KSR2: variants seen among roughly 807,000 people sequenced by gnomAD.
KSR2 encodes the protein kinase suppressor of ras 2.
Under a neutral mutation model 107.8 loss-of-function variants are expected in KSR2, and 25 were observed. That is an observed-to-expected ratio of 0.23 (90% CI 0.17 to 0.32). The LOEUF is 0.32. KSR2 is among the 10% of genes least tolerant of loss of function. KSR2 has a pLI of 1.00. For missense variants in KSR2, 887 were observed against 1,268.9 expected (o/e 0.70, Z 4.57); for synonymous variants, 480 against 507.0 (o/e 0.95, Z 0.71).
intron 5 of KSR2, among the ~76,000 whole-genome samples, chr12:117,630,049 G>A (rs1304665421): frequency 6.6e-6 from 1 of 152,202 alleles, no homozygotes; most frequent in African/African-American, 2.4e-5. Context: ...CTCATGGACA[G>A]GCCAACAGGA....
chr12:117,758,893 C>T (rs1200225634), intron 4 of KSR2, among the ~76,000 whole-genome samples: 2 of 152,086 alleles, frequency 1.3e-5, no homozygotes, highest in African/African-American at 4.8e-5. Context: ...AGCAACCAAA[C>T]CCCAAATGCC....
intron 3 of KSR2, among the ~76,000 whole-genome samples, chr12:117,775,700 G>C (rs1889662647): frequency 6.6e-6 from 1 of 152,188 alleles, no homozygotes; most frequent in East Asian, 1.9e-4. Flanking sequence ...CTGAGACAGA[G>C]AGAGGAGTAG....
intron 3 of KSR2, among the ~76,000 whole-genome samples, chr12:117,807,848 T>C (rs533525534): frequency 1.4e-4 from 22 of 152,318 alleles, no homozygotes; most frequent in African/African-American, 4.8e-4. Flanking sequence ...TAACAACACC[T>C]GAAATCCGCT....
chr12:117,729,652 T>C (rs1186174006), intron 4 of KSR2, among the ~76,000 whole-genome samples: 1 of 152,150 alleles, frequency 6.6e-6, no homozygotes, highest in Admixed American at 6.5e-5. Flanking sequence ...CTGGGAAGGC[T>C]GCAAAAACCA....
chr12:117,797,396 T>C (rs1166287036), intron 3 of KSR2, among the ~76,000 whole-genome samples: 1 of 152,204 alleles, frequency 6.6e-6, no homozygotes, highest in Non-Finnish European at 1.5e-5. Context: ...TGTCACATCT[T>C]ACAGGATTCC....
chr12:117,736,811 T>G (rs1292556753), intron 4 of KSR2, among the ~76,000 whole-genome samples: 2 of 115,680 alleles, frequency 1.7e-5, no homozygotes, highest in Admixed American at 1.8e-4. Flanking sequence ...AGACCCTGTC[T>G]CAAAAAAAAA....
At chr12:117,631,955 A>G (rs1263341674) in intron 5 of KSR2, among the ~76,000 whole-genome samples, 2 of 152,214 alleles carry the variant, frequency 1.3e-5, no homozygotes, top group East Asian at 3.8e-4. Flanking sequence ...TACTGGTATC[A>G]GGATGGAGTA....
At chr12:117,676,250 C>T (rs1029369568) in intron 4 of KSR2, among the ~76,000 whole-genome samples, 2 of 152,152 alleles carry the variant, frequency 1.3e-5, no homozygotes, top group Non-Finnish European at 2.9e-5. Context: ...ACTCCCCAAG[C>T]ATGGCATTAA....
intron 4 of KSR2, among the ~76,000 whole-genome samples, chr12:117,721,568 C>T (rs532933597): frequency 6.6e-6 from 1 of 152,232 alleles, no homozygotes; most frequent in East Asian, 1.9e-4. Flanking sequence ...AAACTCCTTC[C>T]CACAAGGATC....
In KSR2 at chr12:117,605,485, C is replaced by T. The variant is rs530686753; in HGVS notation, c.1172-23126G>A. Among the ~76,000 whole-genome samples, 254 of 152,320 alleles carry T rather than the reference C, an allele frequency of 1.7e-3. 1 individual carries two copies. The highest frequency in any genetic ancestry group is 6.8e-3 in the Middle Eastern group (2 of 294). On this transcript the variant is annotated intron_variant, in intron 5 of 19. Coordinates refer to ENST00000339824, the MANE Select transcript of KSR2 (RefSeq NM_173598.6). ...CATGGTGGTTTGCTACACCTATCAA[C>T]CCATCACCTAGGTATTAAGCCTAGC...
chr12:117,919,070 T>C (rs373666103), intron 1 of KSR2, among the ~76,000 whole-genome samples: 5 of 151,862 alleles, frequency 3.3e-5, no homozygotes, highest in African/African-American at 1.2e-4. Context: ...CCCAAGAGTT[T>C]AAGGCTGCAG....
At chr12:117,559,215 A>C (rs1269511652) in intron 7 of KSR2, among the ~76,000 whole-genome samples, 1 of 152,174 alleles carries the variant, frequency 6.6e-6, no homozygotes, top group Non-Finnish European at 1.5e-5. Context: ...TCAGCAAACC[A>C]GGAAATTATC....
intron 16 of KSR2, among the ~76,000 whole-genome samples, chr12:117,479,042 A>G (rs554233912): frequency 4.8e-4 from 73 of 152,338 alleles, no homozygotes; most frequent in African/African-American, 1.7e-3. Flanking sequence ...ATGACGCTCC[A>G]AGAGTTTGGG....
At chr12:117,702,611 A>G (rs1886372983) in intron 4 of KSR2, among the ~76,000 whole-genome samples, 1 of 152,188 alleles carries the variant, frequency 6.6e-6, no homozygotes, top group South Asian at 2.1e-4. Flanking sequence ...GTGCCTATGG[A>G]TGGTGTCAAA....
At chr12:117,745,303 C>A (rs1316081948) in intron 4 of KSR2, among the ~76,000 whole-genome samples, 1 of 152,112 alleles carries the variant, frequency 6.6e-6, no homozygotes, top group East Asian at 1.9e-4. Flanking sequence ...CATGATATGA[C>A]TCTAAAAGCA....
At chr12:117,475,904 T>G (rs933287270) in intron 17 of KSR2, among the ~76,000 whole-genome samples, 3 of 152,194 alleles carry the variant, frequency 2.0e-5, no homozygotes, top group Non-Finnish European at 4.4e-5. Flanking sequence ...GCCCAAGGGT[T>G]GAGGAACTGA....
chr12:117,681,147 G>A (rs989421791), intron 4 of KSR2, among the ~76,000 whole-genome samples: 3 of 152,274 alleles, frequency 2.0e-5, no homozygotes, highest in East Asian at 1.9e-4. Flanking sequence ...GTGCGCACCT[G>A]TAGTCCCAGC....
chr12:117,863,394 G>A (rs1419102343), intron 1 of KSR2, among the ~76,000 whole-genome samples: 1 of 152,174 alleles, frequency 6.6e-6, no homozygotes, highest in Non-Finnish European at 1.5e-5. Context: ...GCAGAGCCAA[G>A]AGATGGAGTC....
At chr12:117,571,192 A>C (rs1020470335) in intron 7 of KSR2, among the ~76,000 whole-genome samples, 3 of 152,084 alleles carry the variant, frequency 2.0e-5, no homozygotes, top group Non-Finnish European at 4.4e-5. Context: ...CGGGTGGTCG[A>C]GGCTGCAGTG....
Sources: gnomAD v4.1 joint callset for allele counts (sites outside exome capture counted in the v4.1 genomes callset) on GRCh38, gnomAD v4.1.1 for gene constraint, MANE v1.5 for transcripts, NCBI Gene and HGNC (gene_info 2026-07-23, HGNC 2026-07-21) for gene names.